Variants in PRKG1 observed in about 807,000 individuals in gnomAD.
PRKG1 encodes protein kinase cGMP-dependent 1.
A neutral mutation model predicts 88.1 loss-of-function variants in PRKG1; 35 were observed. The ratio of observed to expected loss-of-function variants is 0.40; its 90% CI spans 0.30 to 0.53. The LOEUF is 0.53. PRKG1 is among the 20% of genes least tolerant of loss of function. The pLI, the probability that PRKG1 is intolerant of heterozygous loss-of-function variation, is 0.59. For synonymous variants in PRKG1, 303 were observed against 292.5 expected (o/e 1.04, Z -0.37); for missense variants, 540 against 839.8 (o/e 0.64, Z 4.41).
intron 7 of PRKG1, 48 bp downstream of exon 7, chr10:52,062,679 A>G: frequency 6.9e-7 from 1 of 1,444,270 alleles, no homozygotes; most frequent in Non-Finnish European, 9.6e-7. Flanking sequence ...TGCTACATAA[A>G]TTTCTGTCTG....
At chr10:51,047,839 A>T (rs1843510236) in intron 1 of PRKG1, among the ~76,000 whole-genome samples, 1 of 152,176 alleles carries the variant, frequency 6.6e-6, no homozygotes, top group Admixed American at 6.5e-5. Flanking sequence ...ATATTTTTTT[A>T]TAAAAGTGAG....
chr10:51,548,604 T>C (rs1842501210), intron 3 of PRKG1, among the ~76,000 whole-genome samples: 1 of 152,166 alleles, frequency 6.6e-6, no homozygotes, highest in Admixed American at 6.5e-5. Flanking sequence ...AACACTCTAC[T>C]ATGTGCCTGA....
chr10:51,131,555 T>C (rs1376094058), intron 1 of PRKG1, among the ~76,000 whole-genome samples: 2 of 152,192 alleles, frequency 1.3e-5, no homozygotes, highest in Non-Finnish European at 2.9e-5. Context: ...GAGACCAGCC[T>C]GATCAACATG....
chr10:51,022,631 A>G (rs1843153758), intron 1 of PRKG1, among the ~76,000 whole-genome samples: 1 of 152,208 alleles, frequency 6.6e-6, no homozygotes, highest in Non-Finnish European at 1.5e-5. Flanking sequence ...AGATGAAAGA[A>G]GTGAACACAA....
At position 51,509,705 on chromosome 10, in the gene PRKG1, A is replaced by C. The variant is rs1292333927; in HGVS notation, c.592+41869A>C. Among the ~76,000 whole-genome samples, 11 of 152,212 alleles carry C rather than the reference A, an allele frequency of 7.2e-5. No homozygotes were observed. In the South Asian group the frequency reaches 2.3e-3, roughly 32 times the overall value. ...TCTGAATACCTAATATGGTCCACACACGATGTTGGGGTTTTGTATATGCTG... is the reference window on the plus strand; with the variant it reads ...TCTGAATACCTAATATGGTCCACACCCGATGTTGGGGTTTTGTATATGCTG... On this transcript the variant is annotated intron_variant, in intron 3 of 17. Coordinates refer to ENST00000373980, the MANE Select transcript of PRKG1 (RefSeq NM_006258.4).
At chr10:51,942,548 A>G (rs1428161285) in intron 5 of PRKG1, among the ~76,000 whole-genome samples, 1 of 148,976 alleles carries the variant, frequency 6.7e-6, no homozygotes, top group Non-Finnish European at 1.5e-5. Context: ...CCTGAATAGT[A>G]ATGCCTAGGT....
intron 4 of PRKG1, among the ~76,000 whole-genome samples, chr10:51,891,027 C>A (rs550138329): frequency 6.6e-6 from 1 of 151,958 alleles, no homozygotes; most frequent in Non-Finnish European, 1.5e-5. Context: ...TTTGGGAGAC[C>A]GAAGAGGGAG....
In PRKG1 at chr10:51,797,637, AT is replaced by A. The variant is rs919439739; in HGVS notation, c.593-6942del. ...TAAAATACATATGTAATAAACTTTT[AT>A]TTTTTATATATATCTAAAATATATC... On this transcript the variant is annotated intron_variant, in intron 3 of 17. Coordinates refer to ENST00000373980, the MANE Select transcript of PRKG1 (RefSeq NM_006258.4). Among the ~76,000 whole-genome samples the A allele has an allele frequency of 5.4e-5, 8 of 149,014 alleles. No homozygotes were observed. The East Asian group carries it at 1.4e-3, about 25-fold the overall frequency.
chr10:52,216,575 C>A (rs1840117457), intron 9 of PRKG1, among the ~76,000 whole-genome samples: 1 of 152,076 alleles, frequency 6.6e-6, no homozygotes, highest in Non-Finnish European at 1.5e-5. Context: ...TAGCTTAGCC[C>A]CAGAATTAGA....
intron 2 of PRKG1, among the ~76,000 whole-genome samples, chr10:51,435,508 G>A (rs942569941): frequency 6.6e-6 from 1 of 151,252 alleles, no homozygotes; most frequent in African/African-American, 2.4e-5. Context: ...GCTCTTGCTT[G>A]TATTTTTCAC....
At chr10:51,539,517 G>A (rs1219918924) in intron 3 of PRKG1, among the ~76,000 whole-genome samples, 2 of 152,158 alleles carry the variant, frequency 1.3e-5, no homozygotes, top group Non-Finnish European at 2.9e-5. Flanking sequence ...TCTCTGGGAA[G>A]CATTTGGAGC....
rs574195304 is a variant in PRKG1 at position 51,963,076 on chromosome 10, C to CT, written c.762+55515dup. On this transcript the variant is annotated intron_variant, in intron 5 of 17. Transcript: ENST00000373980. ...TATTTATTTTATGTTTTGGCACAAA[C>CT]TTTTTTTTTGCAATGAATTCTTTCT... Among the ~76,000 whole-genome samples the CT allele has an allele frequency of 5.2e-3, 782 of 151,462 alleles. 8 individuals are homozygous for CT. The highest frequency in any genetic ancestry group is 0.018 in the African/African-American group (756 of 41,306).
At chr10:51,602,358 T>G (rs1281973582) in intron 3 of PRKG1, among the ~76,000 whole-genome samples, 1 of 152,208 alleles carries the variant, frequency 6.6e-6, no homozygotes, top group Non-Finnish European at 1.5e-5. Flanking sequence ...TTATTTACCA[T>G]AACCTTATGT....
At chr10:52,105,810 T>C (rs1847406152) in intron 7 of PRKG1, among the ~76,000 whole-genome samples, 1 of 152,040 alleles carries the variant, frequency 6.6e-6, no homozygotes. Flanking sequence ...TTCTTTTCAA[T>C]GCTTCTTTTA....
intron 1 of PRKG1, among the ~76,000 whole-genome samples, chr10:51,078,436 G>T (rs924702118): frequency 1.4e-5 from 2 of 144,010 alleles, no homozygotes; most frequent in African/African-American, 5.2e-5. Flanking sequence ...CGCCATTTTG[G>T]CCAGGCTGAT....
chr10:51,298,416 G>T (rs1054789357), intron 2 of PRKG1, among the ~76,000 whole-genome samples: 4 of 152,150 alleles, frequency 2.6e-5, no homozygotes, highest in Non-Finnish European at 4.4e-5. Context: ...CATGAACCTG[G>T]TGGGAGTTGT....
intron 6 of PRKG1, among the ~76,000 whole-genome samples, chr10:52,060,510 C>G (rs1486055331): frequency 1.3e-5 from 2 of 151,440 alleles, no homozygotes; most frequent in Non-Finnish European, 3.0e-5. Flanking sequence ...GAAAAATTGG[C>G]AAAAAGCATG....
intron 4 of PRKG1, among the ~76,000 whole-genome samples, chr10:51,806,571 T>A (rs1175431052): frequency 6.6e-6 from 1 of 152,174 alleles, no homozygotes; most frequent in Admixed American, 6.6e-5. Context: ...CCATAAAACA[T>A]CAAGTTCACA....
intron 3 of PRKG1, among the ~76,000 whole-genome samples, chr10:51,679,727 T>TA (rs1377034917): frequency 4.1e-5 from 6 of 147,118 alleles, no homozygotes; most frequent in African/African-American, 1.5e-4. Flanking sequence ...TTTTAATGTT[T>TA]TTTTTTTTAT....
Sources: gnomAD v4.1 joint callset for allele counts (sites outside exome capture counted in the v4.1 genomes callset) on GRCh38, gnomAD v4.1.1 for gene constraint, MANE v1.5 for transcripts, NCBI Gene and HGNC (gene_info 2026-07-23, HGNC 2026-07-21) for gene names.